The following TMEM184B variants were observed in gnomAD, a reference collection of about 807,000 sequenced individuals.
TMEM184B encodes putative MAPK-activating protein FM08.
A neutral mutation model predicts 41.8 loss-of-function variants in TMEM184B; 17 were observed. The observed-to-expected ratio is 0.41, with a 90% CI of 0.28 to 0.61. TMEM184B has a LOEUF of 0.61. TMEM184B is among the 20% of genes least tolerant of loss of function. TMEM184B has a pLI of 0.34. For missense variants in TMEM184B, 393 were observed against 557.8 expected, an observed-to-expected ratio of 0.70 and a Z score of 2.98; for synonymous variants, 240 against 229.5, an observed-to-expected ratio of 1.05 and a Z score of -0.41.
At position 38,221,534 on chromosome 22, in the gene TMEM184B, G is replaced by A. The variant is rs1357153479; in HGVS notation, c.1159C>T (p.His387Tyr). 6.2e-7 allele frequency: 1 copy of A among 1,613,794 alleles called. No individual in the cohort carries two copies. Among genetic ancestry groups the A allele is most frequent in the Admixed American group, 1.7e-5 (1 of 60,010 alleles). The change falls in exon 9 of 9, where the codon CAC becomes TAC. Residue 387 changes from histidine to tyrosine, a missense_variant. His to Tyr is a moderately conservative substitution (Grantham distance 83). Around this residue, in one of 2 missense-constraint regions of TMEM184B, gnomAD observed 271 missense variants for 434.1 expected, o/e 0.62. Coordinates refer to ENST00000361906, the MANE Select transcript of TMEM184B (RefSeq NM_012264.5). ...RGGAHGLSRSHSLSGARDNEK... is the reference protein window; with the variant it reads ...RGGAHGLSRSYSLSGARDNEK... ...TTGTCGCGGGCGCCACTGAGGCTGT[G>A]GGAGCGGGAGAGGCCGTGGGCGCCA...
chr22:38,241,861 G>A (rs1487086746), intron 3 of TMEM184B, among the ~76,000 whole-genome samples: 1 of 125,338 alleles, frequency 8.0e-6, no homozygotes, highest in African/African-American at 3.1e-5. Context: ...TCCGGCCTGG[G>A]TGACAGAGCG....
intron 1 of TMEM184B, among the ~76,000 whole-genome samples, chr22:38,269,331 C>T (rs1005662723): frequency 4.6e-5 from 7 of 152,206 alleles, no homozygotes; most frequent in African/African-American, 1.7e-4. Flanking sequence ...AGCAATTCTC[C>T]TGCCTTAGCC....
intron 5 of TMEM184B, among the ~76,000 whole-genome samples, chr22:38,227,731 A>T: frequency 6.6e-6 from 1 of 152,018 alleles, no homozygotes; most frequent in East Asian, 1.9e-4. Context: ...CCCACACCAC[A>T]GGGCCACTGC....
At chr22:38,224,663 G>A in intron 8 of TMEM184B, 122 bp downstream of exon 8, 1 of 983,476 alleles carries the variant, frequency 1.0e-6, no homozygotes, top group Non-Finnish European at 1.4e-6. Flanking sequence ...CCTGCATATA[G>A]AGTGGGGATC....
intron 1 of TMEM184B, among the ~76,000 whole-genome samples, chr22:38,260,662 C>T (rs563549999): frequency 1.3e-5 from 2 of 152,228 alleles, no homozygotes; most frequent in South Asian, 2.1e-4. Context: ...GAGAGAGGGA[C>T]GGAATAATGA....
chr22:38,225,615 C>T lies in TMEM184B; in HGVS notation c.618-22G>A. On this transcript the variant is annotated intron_variant, in intron 6 of 8. Coordinates refer to ENST00000361906, the MANE Select transcript of TMEM184B (RefSeq NM_012264.5). The surrounding 1 kb of genome is among the most constrained non-coding windows in gnomAD (Gnocchi z 4.4). ...GACGCTGCGGGACGGGGAGCATTTT[C>T]TGGCTGGGACAGACCCTTGGAGGGA... The T allele has an allele frequency of 6.3e-7, 1 of 1,598,178 alleles. No homozygotes were observed. Among genetic ancestry groups the T allele is most frequent in the Non-Finnish European group, 8.5e-7 (1 of 1,174,228 alleles).
downstream of TMEM184B, among the ~76,000 whole-genome samples, chr22:38,218,789 C>T (rs751798139): frequency 6.6e-6 from 1 of 152,208 alleles, no homozygotes; most frequent in Non-Finnish European, 1.5e-5. Flanking sequence ...CCACCCACAC[C>T]GCATTCCTGA....
At chr22:38,272,152 G>T (rs532833726) in intron 1 of TMEM184B, among the ~76,000 whole-genome samples, 3 of 152,208 alleles carry the variant, frequency 2.0e-5, no homozygotes, top group Non-Finnish European at 2.9e-5. Context: ...CTCCAGAGGG[G>T]ATATGTATTG....
chr22:38,233,320 C>A (rs2091684766), intron 3 of TMEM184B, among the ~76,000 whole-genome samples: 1 of 152,212 alleles, frequency 6.6e-6, no homozygotes, highest in African/African-American at 2.4e-5. Flanking sequence ...TGTGTGTGAG[C>A]CTCTTTGGGT....
intron 3 of TMEM184B, among the ~76,000 whole-genome samples, chr22:38,233,720 C>T (rs979006010): frequency 2.0e-5 from 3 of 152,108 alleles, no homozygotes; most frequent in Non-Finnish European, 4.4e-5. Flanking sequence ...CATTCTAAGC[C>T]GGGTCCAGCT....
intron 3 of TMEM184B, among the ~76,000 whole-genome samples, chr22:38,235,807 A>G (rs1401935634): frequency 6.6e-6 from 1 of 152,236 alleles, no homozygotes; most frequent in Non-Finnish European, 1.5e-5. Flanking sequence ...TCCCCTGGAA[A>G]CAAATAAAAG....
intron 1 of TMEM184B, among the ~76,000 whole-genome samples, chr22:38,271,274 C>G (rs1233330489): frequency 6.6e-6 from 1 of 152,192 alleles, no homozygotes; most frequent in African/African-American, 2.4e-5. Context: ...CAGCATAGTG[C>G]CTGGCACATA....
chr22:38,253,679 TA>T (rs1427109707), intron 1 of TMEM184B, among the ~76,000 whole-genome samples: 1 of 152,176 alleles, frequency 6.6e-6, no homozygotes, highest in Non-Finnish European at 1.5e-5. Context: ...TGTAAAACTC[TA>T]AACCTTTTAG....
rs1744021754 is a variant in TMEM184B, at chr22:38,221,166, G to A, written c.*303C>T. The A allele has an allele frequency of 8.2e-7, 1 of 1,224,744 alleles. No individual in the cohort carries two copies. Among genetic ancestry groups the A allele is most frequent in the Non-Finnish European group, 1.0e-6 (1 of 978,222 alleles). 75.9% of individuals were successfully genotyped at this position (1,224,744 alleles called of 1,614,324 possible). Reference sequence around the variant, plus strand: ...CACACACAAGCATTGGGGCCTGGGTGCGGCTGGTCCCAGCATGCCCCCAGC... The same window carrying A: ...CACACACAAGCATTGGGGCCTGGGTACGGCTGGTCCCAGCATGCCCCCAGC... On this transcript the variant is annotated 3_prime_UTR_variant, in exon 9 of 9. Coordinates refer to ENST00000361906, the MANE Select transcript of TMEM184B (RefSeq NM_012264.5).
At chr22:38,268,509 C>A (rs1433311344) in intron 1 of TMEM184B, among the ~76,000 whole-genome samples, 1 of 151,976 alleles carries the variant, frequency 6.6e-6, no homozygotes, top group African/African-American at 2.4e-5. Flanking sequence ...ACTTGGGTGA[C>A]CCTTCAATTC....
At chr22:38,222,502 G>T in intron 8 of TMEM184B, 1 of 751,612 alleles carries the variant, frequency 1.3e-6, no homozygotes, top group Non-Finnish European at 1.6e-6. Flanking sequence ...CCCTTGACAG[G>T]TGCTCTGGGC....
At chr22:38,240,036 C>T (rs2091869225) in intron 3 of TMEM184B, among the ~76,000 whole-genome samples, 2 of 151,968 alleles carry the variant, frequency 1.3e-5, no homozygotes, top group South Asian at 4.2e-4. Context: ...CTCACTGCAG[C>T]CTCAAACTCC....
Position 38,246,112 on chromosome 22 carries a change from G to A in TMEM184B, c.193-12C>T. ...AGGTGCATGTAGATCTGGGGGCAGA[G>A]GTGTGGGGTCAGCTGGGGACCCTCC... On this transcript the variant is annotated splice_polypyrimidine_tract_variant and intron_variant, in intron 2 of 8. Coordinates refer to ENST00000361906, the MANE Select transcript of TMEM184B (RefSeq NM_012264.5). The A allele has an allele frequency of 1.2e-6, 2 of 1,606,594 alleles. No individual in the cohort carries two copies. Among genetic ancestry groups the A allele is most frequent in the Non-Finnish European group, 1.7e-6 (2 of 1,179,382 alleles).
chr22:38,244,849 G>C (rs1420378207), intron 3 of TMEM184B, among the ~76,000 whole-genome samples: 1 of 152,174 alleles, frequency 6.6e-6, no homozygotes, highest in African/African-American at 2.4e-5. Context: ...GATGAGGAAT[G>C]CCTGGGACCT....
Sources: allele counts gnomAD v4.1 joint callset (sites outside exome capture counted in the v4.1 genomes callset), GRCh38; gene constraint gnomAD v4.1.1; regional missense constraint gnomAD v4.1.1; non-coding constraint Gnocchi (gnomAD v3.1); transcripts MANE v1.5; gene names NCBI Gene and HGNC (gene_info 2026-07-23, HGNC 2026-07-21).